The following GALNTL6 variants were observed in gnomAD, a reference collection of about 807,000 sequenced individuals.
GALNTL6 encodes polypeptide N-acetylgalactosaminyltransferase-like 6.
GALNTL6 carries 46 observed loss-of-function variants against 73.7 expected under a neutral mutation model. The ratio of observed to expected loss-of-function variants is 0.62; its 90% CI spans 0.49 to 0.80. The LOEUF is 0.80. Ranked by LOEUF, GALNTL6 falls within the 30% of genes least tolerant of loss-of-function variation. GALNTL6 has a pLI of 0.00. For synonymous variants in GALNTL6, 259 were observed against 263.7 expected (o/e 0.98, Z 0.17); for missense variants, 604 against 755.0 (o/e 0.80, Z 2.34).
At chr4:172,686,326 C>G (rs540297443) in intron 5 of GALNTL6, among the ~76,000 whole-genome samples, 2 of 152,110 alleles carry the variant, frequency 1.3e-5, no homozygotes, top group African/African-American at 2.4e-5. Flanking sequence ...CCCCCACCCC[C>G]ACTCCCGCCA....
At chr4:171,835,720 T>C (rs986636966) in intron 2 of GALNTL6, among the ~76,000 whole-genome samples, 4 of 151,974 alleles carry the variant, frequency 2.6e-5, no homozygotes, top group African/African-American at 9.7e-5. Context: ...TAGCTTTCTA[T>C]ATTGTTACAA....
At chr4:172,160,415 G>C (rs1399926971) in intron 2 of GALNTL6, among the ~76,000 whole-genome samples, 1 of 152,038 alleles carries the variant, frequency 6.6e-6, no homozygotes, top group Non-Finnish European at 1.5e-5. Context: ...CAACACATCT[G>C]TTAATTTGAA....
At chr4:172,673,427 A>G (rs955319918) in intron 5 of GALNTL6, among the ~76,000 whole-genome samples, 1 of 152,162 alleles carries the variant, frequency 6.6e-6, no homozygotes, top group Non-Finnish European at 1.5e-5. Flanking sequence ...CCATGTGGCA[A>G]TTAGAAGAAT....
intron 2 of GALNTL6, among the ~76,000 whole-genome samples, chr4:172,035,635 T>C (rs1410343451): frequency 6.6e-6 from 1 of 152,118 alleles, no homozygotes; most frequent in Non-Finnish European, 1.5e-5. Context: ...AGTTGAGCAC[T>C]CCCAGCAGAT....
chr4:173,000,503 T>G lies in GALNTL6; in HGVS notation c.1372-8675T>G, dbSNP rs529107399. Among the ~76,000 whole-genome samples the G allele has an allele frequency of 3.3e-5, 5 of 152,316 alleles. No homozygotes were observed. In the South Asian group the frequency reaches 1.0e-3, roughly 32 times the overall value. ...TACGCAAAGTGATCTACAGATTAGATGCAATCTATCAAAATCTAAATGGAA... is the reference window on the plus strand; with the variant it reads ...TACGCAAAGTGATCTACAGATTAGAGGCAATCTATCAAAATCTAAATGGAA... On this transcript the variant is annotated intron_variant, in intron 10 of 12. Coordinates refer to ENST00000506823, the MANE Select transcript of GALNTL6 (RefSeq NM_001034845.3).
chr4:172,367,043 C>CA (rs1372124187), intron 5 of GALNTL6, among the ~76,000 whole-genome samples: 1 of 152,168 alleles, frequency 6.6e-6, no homozygotes, highest in Non-Finnish European at 1.5e-5. Context: ...CAGGAAGGTG[C>CA]AAAGCACTTT....
intron 2 of GALNTL6, among the ~76,000 whole-genome samples, chr4:171,937,884 G>C (rs369103796): frequency 6.6e-6 from 1 of 152,074 alleles, no homozygotes; most frequent in Admixed American, 6.6e-5. Flanking sequence ...TGATAAAAAG[G>C]CTCAGTAATT....
chr4:172,883,682 A>C lies in GALNTL6; in HGVS notation c.1041+775A>C, dbSNP rs529114596. ...GACATAAGATTTGGAGGTGACAAAC[A>C]ACCAAATTATATCACTACAGTACTA... On this transcript the variant is annotated intron_variant, in intron 8 of 12. Transcript: ENST00000506823. Among the ~76,000 whole-genome samples, 219 of 152,264 alleles carry C rather than the reference A, an allele frequency of 1.4e-3. 2 individuals carry two copies. Among genetic ancestry groups the C allele is most frequent in the Admixed American group, 2.3e-3 (35 of 15,290 alleles).
At chr4:172,085,159 A>G (rs1731993448) in intron 2 of GALNTL6, among the ~76,000 whole-genome samples, 1 of 152,226 alleles carries the variant, frequency 6.6e-6, no homozygotes, top group African/African-American at 2.4e-5. Context: ...AGTACAAATC[A>G]TAGGAATACC....
chr4:172,898,321 C>T (rs916147176), intron 8 of GALNTL6, among the ~76,000 whole-genome samples: 9 of 136,666 alleles, frequency 6.6e-5, no homozygotes, highest in African/African-American at 2.6e-4. Flanking sequence ...CACACACACA[C>T]ACACGTATAA....
chr4:172,798,364 G>A (rs892548597), intron 5 of GALNTL6, among the ~76,000 whole-genome samples: 1 of 152,082 alleles, frequency 6.6e-6, no homozygotes. Flanking sequence ...GGTTTAGCAC[G>A]ATGCCTTGGT....
At chr4:172,372,733 T>C (rs1742863726) in intron 5 of GALNTL6, among the ~76,000 whole-genome samples, 1 of 152,204 alleles carries the variant, frequency 6.6e-6, no homozygotes, top group Non-Finnish European at 1.5e-5. Flanking sequence ...TGGTTCCCAT[T>C]CTACTAGATG....
In GALNTL6 at chr4:171,814,437, A is replaced by G. The variant is rs1734466056; in HGVS notation, c.-144A>G. 1 of 750,330 alleles carries G rather than the reference A, an allele frequency of 1.3e-6. No individual in the cohort carries two copies. The allele number at this position is 750,330 out of a possible 1,614,324, so 46.5% of individuals were successfully genotyped here. ...ATGGCCAACTCCCTCTGAATCCTGC[A>G]GATTGGTGCTGAGCACGCAACAAAA... On this transcript the variant is annotated 5_prime_UTR_variant, in exon 2 of 13. Transcript: ENST00000506823.
At position 172,268,494 on chromosome 4, in the gene GALNTL6, G is replaced by GGCCTCC. The variant is rs527830847; in HGVS notation, c.247+38735_247+38740dup. On this transcript the variant is annotated intron_variant, in intron 3 of 12. Coordinates refer to ENST00000506823, the MANE Select transcript of GALNTL6 (RefSeq NM_001034845.3). ...GGTGGACCAGTAGTTGGATGCAGGT[G>GGCCTCC]GCCTCCGCCTAGACTCTTGACCTGG... is the stretch of plus-strand genomic sequence containing the variant. Among the ~76,000 whole-genome samples, 129 of 152,284 alleles carry GGCCTCC rather than the reference G, an allele frequency of 8.5e-4. 1 individual carries two copies. Among genetic ancestry groups the GGCCTCC allele is most frequent in the African/African-American group, 2.8e-3 (118 of 41,566 alleles).
At chr4:172,802,484 T>C (rs1037029201) in intron 5 of GALNTL6, among the ~76,000 whole-genome samples, 3 of 152,046 alleles carry the variant, frequency 2.0e-5, no homozygotes, top group African/African-American at 4.8e-5. Context: ...TCTTCAAACT[T>C]CCATGATTTA....
At chr4:172,224,175 G>C (rs1736775570) in intron 2 of GALNTL6, among the ~76,000 whole-genome samples, 1 of 152,008 alleles carries the variant, frequency 6.6e-6, no homozygotes, top group African/African-American at 2.4e-5. Context: ...ATAAACCAAG[G>C]GCTTTCACAT....
intron 7 of GALNTL6, among the ~76,000 whole-genome samples, chr4:172,875,642 A>AG (rs1745155113): frequency 6.6e-6 from 1 of 151,948 alleles, no homozygotes; most frequent in South Asian, 2.1e-4. Flanking sequence ...TCTATTCACC[A>AG]GGCGAAGCTA....
chr4:172,060,040 T>A (rs1031766480), intron 2 of GALNTL6, among the ~76,000 whole-genome samples: 6 of 152,212 alleles, frequency 3.9e-5, no homozygotes, highest in African/African-American at 1.2e-4. Context: ...TAAGTTACTT[T>A]TCCTAAAATG....
At chr4:171,891,414 CTTAA>C in intron 2 of GALNTL6, among the ~76,000 whole-genome samples, 1 of 152,206 alleles carries the variant, frequency 6.6e-6, no homozygotes, top group Middle Eastern at 3.4e-3. Flanking sequence ...AAAGAATGGA[CTTAA>C]TTAAGCATTT....
Sources: gnomAD v4.1 joint callset for allele counts (sites outside exome capture counted in the v4.1 genomes callset) on GRCh38, gnomAD v4.1.1 for gene constraint, MANE v1.5 for transcripts, NCBI Gene and HGNC (gene_info 2026-07-23, HGNC 2026-07-21) for gene names.